Variants in KHDRBS2 observed in about 807,000 individuals in gnomAD.
KHDRBS2 encodes the protein KH domain-containing, RNA-binding, signal transduction-associated protein 2.
Under a neutral mutation model 44.3 loss-of-function variants are expected in KHDRBS2, and 26 were observed. The observed-to-expected ratio is 0.59, with a 90% CI of 0.43 to 0.81. The LOEUF (loss-of-function observed/expected upper bound fraction) is 0.81. Among genes scored for constraint, KHDRBS2 ranks in the 40% least tolerant of loss-of-function variants. The pLI is 0.00. For missense variants in KHDRBS2, 476 were observed against 433.1 expected, an observed-to-expected ratio of 1.10 and a Z score of -0.88; for synonymous variants, 194 against 151.1, an observed-to-expected ratio of 1.28 and a Z score of -2.08.
At chr6:61,940,415 G>T (rs963120204) in intron 4 of KHDRBS2, among the ~76,000 whole-genome samples, 1 of 151,932 alleles carries the variant, frequency 6.6e-6, no homozygotes, top group Admixed American at 6.6e-5. Context: ...CTCAATCCTC[G>T]CCGGCCCTAC....
chr6:61,852,924 TAACTC>T (rs1292911116), intron 6 of KHDRBS2, among the ~76,000 whole-genome samples: 1 of 152,150 alleles, frequency 6.6e-6, no homozygotes, highest in Non-Finnish European at 1.5e-5. Flanking sequence ...TTAAAGATCT[TAACTC>T]TACCCACCAT....
At chr6:62,115,640 C>A (rs1806044113) in intron 2 of KHDRBS2, among the ~76,000 whole-genome samples, 1 of 152,102 alleles carries the variant, frequency 6.6e-6, no homozygotes, top group Non-Finnish European at 1.5e-5. Context: ...AAAGGCAGAA[C>A]AACTTTGGAA....
chr6:61,767,978 T>C (rs1472984405), intron 6 of KHDRBS2, among the ~76,000 whole-genome samples: 1 of 152,158 alleles, frequency 6.6e-6, no homozygotes, highest in East Asian at 1.9e-4. Flanking sequence ...GAGTTTTGTA[T>C]CTTCAGATGG....
At chr6:61,886,535 T>C (rs1800981871) in intron 6 of KHDRBS2, among the ~76,000 whole-genome samples, 1 of 152,214 alleles carries the variant, frequency 6.6e-6, no homozygotes, top group Non-Finnish European at 1.5e-5. Flanking sequence ...TGGTACTTAT[T>C]ATATGCTGTG....
At chr6:61,603,981 T>G in the KHDRBS2 span, among the ~76,000 whole-genome samples, 1 of 152,234 alleles carries the variant, frequency 6.6e-6, no homozygotes, top group African/African-American at 2.4e-5. Flanking sequence ...AAAGGCAGGC[T>G]ATGCTGTAGT....
intron 4 of KHDRBS2, among the ~76,000 whole-genome samples, chr6:61,946,415 A>G (rs2127380425): frequency 6.6e-6 from 1 of 152,298 alleles, no homozygotes; most frequent in African/African-American, 2.4e-5. Flanking sequence ...TTGGCACTAG[A>G]CCTGTGTACA....
At chr6:61,748,162 T>C (rs745787563) in intron 6 of KHDRBS2, among the ~76,000 whole-genome samples, 6 of 152,130 alleles carry the variant, frequency 3.9e-5, no homozygotes, top group Non-Finnish European at 8.8e-5. Context: ...GCTAATGATT[T>C]GTATTTTTAG....
chr6:62,139,036 A>G (rs1263576219), intron 2 of KHDRBS2, among the ~76,000 whole-genome samples: 1 of 152,154 alleles, frequency 6.6e-6, no homozygotes, highest in South Asian at 2.1e-4. Flanking sequence ...TGAAATGGGT[A>G]GTGCTGAAAA....
intron 3 of KHDRBS2, among the ~76,000 whole-genome samples, chr6:61,990,458 GACTC>G (rs1775914897): frequency 6.6e-6 from 1 of 152,086 alleles, no homozygotes; most frequent in African/African-American, 2.4e-5. Flanking sequence ...TAATTGGAAA[GACTC>G]ACAGGGTATA....
At chr6:62,161,571 T>TGTG (rs1358328529) in intron 2 of KHDRBS2, among the ~76,000 whole-genome samples, 1 of 10,194 alleles carries the variant, frequency 9.8e-5, no homozygotes, top group African/African-American at 4.9e-4. Context: ...TTTTGGTATT[T>TGTG]GCGGGGGGGG....
the KHDRBS2 span, among the ~76,000 whole-genome samples, chr6:61,570,065 A>T: frequency 6.6e-6 from 1 of 152,198 alleles, no homozygotes; most frequent in Non-Finnish European, 1.5e-5. Flanking sequence ...CAATGGTTCC[A>T]AACCAAGAAG....
At chr6:61,946,170 T>C (rs758673902) in intron 4 of KHDRBS2, among the ~76,000 whole-genome samples, 13 of 152,204 alleles carry the variant, frequency 8.5e-5, no homozygotes, top group Non-Finnish European at 1.5e-4. Flanking sequence ...CTCCTCTACA[T>C]CTGAAACAAC....
At chr6:62,236,849 G>C (rs956140618) in intron 1 of KHDRBS2, among the ~76,000 whole-genome samples, 22 of 152,090 alleles carry the variant, frequency 1.4e-4, no homozygotes, top group Non-Finnish European at 2.6e-4. Context: ...TTATAGAAAT[G>C]TAAATTAAAA....
the KHDRBS2 span, among the ~76,000 whole-genome samples, chr6:61,639,419 A>G: frequency 1.3e-5 from 2 of 152,040 alleles, no homozygotes; most frequent in Non-Finnish European, 2.9e-5. Context: ...TAAAATCTAT[A>G]GAATGAACAT....
At chr6:61,610,187 T>G in the KHDRBS2 span, among the ~76,000 whole-genome samples, 1 of 110,330 alleles carries the variant, frequency 9.1e-6, no homozygotes, top group Non-Finnish European at 1.8e-5. Context: ...ATATATATAT[T>G]TAAAAAAAAA....
chr6:61,872,584 A>C (rs1798815740), intron 6 of KHDRBS2, among the ~76,000 whole-genome samples: 1 of 152,144 alleles, frequency 6.6e-6, no homozygotes, highest in Non-Finnish European at 1.5e-5. Flanking sequence ...AAATATATTA[A>C]ACTTTATTGA....
At chr6:61,708,606 C>A (rs1481189027) in intron 7 of KHDRBS2, among the ~76,000 whole-genome samples, 3 of 151,440 alleles carry the variant, frequency 2.0e-5, no homozygotes, top group Admixed American at 1.3e-4. Flanking sequence ...ACATGGAAAG[C>A]CTTGTGCTAC....
intron 1 of KHDRBS2, among the ~76,000 whole-genome samples, chr6:62,249,829 G>C (rs1354463176): frequency 6.6e-6 from 1 of 151,936 alleles, no homozygotes; most frequent in East Asian, 1.9e-4. Context: ...AATGATTAAA[G>C]TCATGATGAA....
At chr6:62,236,021 G>T (rs1202401391) in intron 1 of KHDRBS2, among the ~76,000 whole-genome samples, 1 of 152,080 alleles carries the variant, frequency 6.6e-6, no homozygotes, top group Non-Finnish European at 1.5e-5. Flanking sequence ...TATAGAATTT[G>T]CTTGATGAAA....
Sources: allele counts gnomAD v4.1 joint callset (sites outside exome capture counted in the v4.1 genomes callset), GRCh38; gene constraint gnomAD v4.1.1; transcripts MANE v1.5; gene names NCBI Gene and HGNC (gene_info 2026-07-23, HGNC 2026-07-21).